The following TSHZ2 variants were observed in gnomAD, a reference collection of about 807,000 sequenced individuals.
The protein encoded by TSHZ2 is teashirt zinc finger homeobox 2, also known as teashirt homolog 2.
TSHZ2 carries 21 observed loss-of-function variants against 74.4 expected under a neutral mutation model. The observed-to-expected ratio is 0.28, with a 90% CI of 0.20 to 0.41. The LOEUF (loss-of-function observed/expected upper bound fraction) is 0.41, where lower values mean the gene tolerates loss of function less well. TSHZ2 is among the 10% of genes least tolerant of loss of function. The pLI, the probability that TSHZ2 is intolerant of heterozygous loss-of-function variation, is 1.00. For synonymous variants in TSHZ2, 540 were observed against 515.3 expected, an observed-to-expected ratio of 1.05 and a Z score of -0.65; for missense variants, 1,244 against 1,293.5, an observed-to-expected ratio of 0.96 and a Z score of 0.59.
chr20:53,481,400 T>C (rs1375572480), intron 2 of TSHZ2, among the ~76,000 whole-genome samples: 1 of 151,888 alleles, frequency 6.6e-6, no homozygotes, highest in East Asian at 1.9e-4. Flanking sequence ...GGCGAAACCC[T>C]GTCTCTACAA....
intron 2 of TSHZ2, among the ~76,000 whole-genome samples, chr20:53,414,879 C>T (rs1359905824): frequency 6.6e-6 from 1 of 152,106 alleles, no homozygotes; most frequent in Non-Finnish European, 1.5e-5. Context: ...GCCACGTGAC[C>T]TAAGATAAGC....
chr20:53,142,186 G>A (rs540397900), intron 1 of TSHZ2, among the ~76,000 whole-genome samples: 5 of 152,214 alleles, frequency 3.3e-5, no homozygotes, highest in Admixed American at 6.5e-5. Context: ...TGTGATTGAA[G>A]AGTACAGGGG....
intron 2 of TSHZ2, among the ~76,000 whole-genome samples, chr20:53,339,083 A>G (rs1980073656): frequency 1.3e-5 from 2 of 152,224 alleles, no homozygotes; most frequent in South Asian, 4.1e-4. Flanking sequence ...TCACCAAACT[A>G]GCCATGTCAC....
chr20:53,320,939 GC>G (rs1309839181), intron 2 of TSHZ2, among the ~76,000 whole-genome samples: 1 of 152,122 alleles, frequency 6.6e-6, no homozygotes, highest in Non-Finnish European at 1.5e-5. Flanking sequence ...GCTGGCCAGT[GC>G]CCATGTACGA....
chr20:53,381,935 T>C (rs1233205158), intron 2 of TSHZ2, among the ~76,000 whole-genome samples: 1 of 152,238 alleles, frequency 6.6e-6, no homozygotes, highest in African/African-American at 2.4e-5. Flanking sequence ...CTCTTTCTTC[T>C]CTGTTGAGCT....
intron 1 of TSHZ2, among the ~76,000 whole-genome samples, chr20:53,029,281 C>T (rs1983552461): frequency 1.3e-5 from 2 of 152,130 alleles, no homozygotes; most frequent in Admixed American, 6.6e-5. Context: ...ACTCATTGCA[C>T]ATATACAAAG....
At chr20:53,472,811 G>A (rs1030626402) in intron 2 of TSHZ2, among the ~76,000 whole-genome samples, 1 of 151,832 alleles carries the variant, frequency 6.6e-6, no homozygotes, top group African/African-American at 2.4e-5. Context: ...CACCGTGCGC[G>A]AGCCGAAGCA....
intron 1 of TSHZ2, among the ~76,000 whole-genome samples, chr20:53,077,938 A>C (rs1234208755): frequency 6.6e-6 from 1 of 152,218 alleles, no homozygotes; most frequent in Non-Finnish European, 1.5e-5. Context: ...GCAGCAGAAA[A>C]TTGAAATGTG....
chr20:53,174,710 C>T (rs1473006590), intron 1 of TSHZ2, among the ~76,000 whole-genome samples: 4 of 152,160 alleles, frequency 2.6e-5, no homozygotes, highest in Non-Finnish European at 4.4e-5. Context: ...GCCTTGGTCA[C>T]GTGGGTTCCA....
chr20:53,376,457 A>G (rs1981660021), intron 2 of TSHZ2, among the ~76,000 whole-genome samples: 1 of 152,202 alleles, frequency 6.6e-6, no homozygotes, highest in African/African-American at 2.4e-5. Flanking sequence ...TTGGGGCCTC[A>G]AGATAACAAA....
At chr20:53,348,454 G>C (rs930768240) in intron 2 of TSHZ2, among the ~76,000 whole-genome samples, 1 of 151,992 alleles carries the variant, frequency 6.6e-6, no homozygotes, top group African/African-American at 2.4e-5. Context: ...TAAATGAATT[G>C]AGGATAGTCA....
At chr20:53,367,259 C>T (rs940343319) in intron 2 of TSHZ2, among the ~76,000 whole-genome samples, 2 of 151,428 alleles carry the variant, frequency 1.3e-5, no homozygotes, top group African/African-American at 4.8e-5. Context: ...CAAAAATTAG[C>T]CAGGCATGGT....
intron 1 of TSHZ2, among the ~76,000 whole-genome samples, chr20:53,111,461 A>G (rs752665749): frequency 1.2e-4 from 19 of 152,284 alleles, no homozygotes; most frequent in Middle Eastern, 3.4e-3. Flanking sequence ...AGACTGATAA[A>G]GCAGCCACCC....
At chr20:53,264,606 C>T (rs1990670858) in intron 2 of TSHZ2, among the ~76,000 whole-genome samples, 1 of 152,204 alleles carries the variant, frequency 6.6e-6, no homozygotes, top group African/African-American at 2.4e-5. Context: ...TAAAGTTTTA[C>T]CAACTTTAGC....
At chr20:53,075,159 T>C (rs1321529074) in intron 1 of TSHZ2, among the ~76,000 whole-genome samples, 1 of 152,230 alleles carries the variant, frequency 6.6e-6, no homozygotes, top group Non-Finnish European at 1.5e-5. Flanking sequence ...GTGCTTGGCC[T>C]AAAGGGCCCT....
At chr20:53,065,374 T>G (rs1984950201) in intron 1 of TSHZ2, among the ~76,000 whole-genome samples, 1 of 152,170 alleles carries the variant, frequency 6.6e-6, no homozygotes, top group Non-Finnish European at 1.5e-5. Flanking sequence ...GCATGATATC[T>G]TTTCCTCCTA....
chr20:53,022,652 C>T (rs1361969928), intron 1 of TSHZ2, among the ~76,000 whole-genome samples: 1 of 152,148 alleles, frequency 6.6e-6, no homozygotes, highest in Non-Finnish European at 1.5e-5. Context: ...TCCATAGTTG[C>T]CCATAAAAAT....
intron 1 of TSHZ2, among the ~76,000 whole-genome samples, chr20:53,144,205 C>T (rs1987482808): frequency 6.6e-6 from 1 of 152,138 alleles, no homozygotes; most frequent in South Asian, 2.1e-4. Context: ...AATCTTGCAG[C>T]CTCCAGCCGC....
chr20:53,076,142 T>A (rs895023462), intron 1 of TSHZ2, among the ~76,000 whole-genome samples: 12 of 152,292 alleles, frequency 7.9e-5, no homozygotes, highest in Admixed American at 3.9e-4. Flanking sequence ...TTTGAAGGAT[T>A]AATCTGGCAG....
Sources: gnomAD v4.1 joint callset for allele counts (sites outside exome capture counted in the v4.1 genomes callset) on GRCh38, gnomAD v4.1.1 for gene constraint, MANE v1.5 for transcripts, NCBI Gene and HGNC (gene_info 2026-07-23, HGNC 2026-07-21) for gene names.